FCGR3B: variants seen among roughly 807,000 people sequenced by gnomAD.
The protein encoded by FCGR3B is low affinity immunoglobulin gamma Fc region receptor III-B.
A neutral mutation model predicts 26.7 loss-of-function variants in FCGR3B; 20 were observed. The observed-to-expected ratio is 0.75, with a 90% CI of 0.53 to 1.09. The LOEUF (loss-of-function observed/expected upper bound fraction) is 1.09, where lower values mean the gene tolerates loss of function less well. Among genes scored for constraint, FCGR3B ranks in the 50% least tolerant of loss-of-function variants. The probability of loss-of-function intolerance (pLI) is 0.00; values close to 1 mark genes in which losing one functional copy is unlikely to be tolerated. For synonymous variants in FCGR3B, 79 were observed against 107.0 expected (o/e 0.74, Z 1.62); for missense variants, 191 against 279.7 (o/e 0.68, Z 2.26).
intron 3 of FCGR3B, among the ~76,000 whole-genome samples, chr1:161,627,807 A>G (rs1570984224): frequency 6.7e-6 from 1 of 150,192 alleles, no homozygotes; most frequent in African/African-American, 2.5e-5. Flanking sequence ...TGGACTGGAG[A>G]TACCCAGATG....
Position 161,624,617 on chromosome 1 carries a change from T to C in FCGR3B, c.600A>G (p.Ser200=). 6.2e-7 allele frequency: 1 copy of C among 1,605,798 alleles called. No homozygotes were observed. Among genetic ancestry groups the C allele is most frequent in the East Asian group, 2.2e-5 (1 of 44,716 alleles). The change falls in exon 5 of 5, where the codon TCA becomes TCG. Residue 200 remains serine, a synonymous_variant. Coordinates refer to ENST00000650385, the MANE Select transcript of FCGR3B (RefSeq NM_001244753.2). The part of the protein sequence containing the change: ...ITQGLAVSTI[S]SFSPPGYQVS... ...CTTGGTACCCAGGTGGAGAGAATGA[T>C]GAGATGGTTGACACTGCCAAACCTA...
chr1:161,624,776 G>A (rs775127796), intron 4 of FCGR3B, 137 bp from the exon 5 acceptor site: 27 of 808,212 alleles, frequency 3.3e-5, no homozygotes, highest in Non-Finnish European at 4.9e-5. Context: ...GAGGTCTGGG[G>A]GAAAGTATTG....
chr1:161,627,861 C>T lies in FCGR3B; in HGVS notation c.320-1459G>A, dbSNP rs1286353960. 4.7e-5 allele frequency among the ~76,000 whole-genome samples: 7 copies of T among 150,128 alleles called. 1 individual carries two copies. The highest frequency in any genetic ancestry group is 2.7e-4 in the Admixed American group (4 of 14,994). ...AGCCTCAAAGAATCTACAGCCTAGA[C>T]ATAGAAACATAAATATTCAGAAATA... On this transcript the variant is annotated intron_variant, in intron 3 of 4. Transcript: ENST00000650385.
rs760729991 is a variant in FCGR3B at position 161,631,050 on chromosome 1, C to G, written c.40+5G>C. 5.0e-6 allele frequency: 8 copies of G among 1,604,790 alleles called. No homozygotes were observed. Among genetic ancestry groups the G allele is most frequent in the Non-Finnish European group, 6.8e-6 (8 of 1,176,684 alleles). ...TCTCCCTCAACCAGGGAGATCCTGA[C>G]TTACCTAGAAGTAGCAGAGCAGTTG... On this transcript the variant is annotated splice_donor_5th_base_variant and intron_variant, in intron 1 of 4. Transcript: ENST00000650385.
chr1:161,626,045 G>A (rs1282240635), intron 4 of FCGR3B, 100 bp downstream of exon 4: 56 of 1,397,620 alleles, frequency 4.0e-5, no homozygotes, highest in African/African-American at 1.5e-4. Context: ...GAAGAAGTGC[G>A]TGTAAGAATC....
rs1570979176 is a variant in FCGR3B at position 161,624,405 on chromosome 1, T to G, written c.*110A>C. The G allele has an allele frequency of 2.1e-5, 28 of 1,302,494 alleles. No homozygotes were observed. In the East Asian group the frequency reaches 6.5e-4, roughly 30 times the overall value. The allele number at this position is 1,302,494 out of a possible 1,614,324, so 80.7% of individuals were successfully genotyped here. A position where few individuals can be genotyped will look rare whatever the true frequency, so the allele number is the denominator to read the frequency against. Reference sequence around the variant, plus strand: ...TGGGGTTGCAAATCCAGAGAAATGTTCAGAGATGCTGCTGCCACTGCTCTT... The same window carrying G: ...TGGGGTTGCAAATCCAGAGAAATGTGCAGAGATGCTGCTGCCACTGCTCTT... On this transcript the variant is annotated 3_prime_UTR_variant, in exon 5 of 5. Coordinates refer to ENST00000650385, the MANE Select transcript of FCGR3B (RefSeq NM_001244753.2).
At position 161,626,204 on chromosome 1, in the gene FCGR3B, C is replaced by A; in HGVS notation, c.518G>T (p.Arg173Met). 1 of 1,609,250 alleles carries A rather than the reference C, an allele frequency of 6.2e-7. No homozygotes were observed. The highest frequency in any genetic ancestry group is 1.4e-5 in the African/African-American group (1 of 73,622). Residue 173 changes from arginine (R) to methionine (M), a missense_variant, in exon 4 of 5, where the codon AGG becomes ATG. By Grantham distance (91) the Arg-to-Met change is moderately conservative. Transcript: ENST00000650385. ...CACATTTTTACTCCCAACAAGCCCC[C>A]TGCAGAAGTAGGAGCCGCTATCTTT... The part of the protein sequence containing the change: ...TLKDSGSYFC[R>M]GLVGSKNVSS...
chr1:161,625,533 C>T (rs1283397285), intron 4 of FCGR3B, among the ~76,000 whole-genome samples: 1 of 123,324 alleles, frequency 8.1e-6, no homozygotes, highest in African/African-American at 3.2e-5. Flanking sequence ...GGAATATTAC[C>T]TATCTCATGT....
At position 161,629,789 on chromosome 1, in the gene FCGR3B, T is replaced by A. The variant is rs1373872062; in HGVS notation, c.308A>T (p.Glu103Val). ...LSTLSDPVQL[E>V]VHIGWLLLQA... ...CTTCATCAACTCACCGATATGGACT[T>A]CTAGCTGCACCGGGTCACTGAGGGT... Residue 103 changes from glutamate to valine, a missense_variant, in exon 3 of 5, where the codon GAA (glutamate) becomes GTA (valine). This residue lies in a region of FCGR3B where 88 missense variants were observed against 165.2 expected (regional missense o/e 0.53). Transcript: ENST00000650385. 2.8e-6 allele frequency: 4 copies of A among 1,433,766 alleles called. No individual in the cohort carries two copies. In the South Asian group the frequency reaches 3.9e-5, roughly 14 times the overall value. The allele number at this position is 1,433,766 out of a possible 1,614,324, so 88.8% of individuals were successfully genotyped here.
In FCGR3B at chr1:161,629,210, C is replaced by G. The variant is rs1679619312; in HGVS notation, c.319+568G>C. Among the ~76,000 whole-genome samples, 3 of 55,282 alleles carry G rather than the reference C, an allele frequency of 5.4e-5. 1 individual carries two copies. The highest frequency in any genetic ancestry group is 2.6e-4 in the Admixed American group (1 of 3,862). The allele number at this position is 55,282 out of a possible 152,430, so 36.3% of individuals were successfully genotyped here. A position where few individuals can be genotyped will look rare whatever the true frequency, so the allele number is the denominator to read the frequency against. On this transcript the variant is annotated intron_variant, in intron 3 of 4. Coordinates refer to ENST00000650385, the MANE Select transcript of FCGR3B (RefSeq NM_001244753.2). ...TGGAAAGCCAAGACCGGTGAATCACCTGAGGTCAGGAGTTTGAGACCAGAC... is the reference window on the plus strand; with the variant it reads ...TGGAAAGCCAAGACCGGTGAATCACGTGAGGTCAGGAGTTTGAGACCAGAC...
rs1258885596 is a variant in FCGR3B at position 161,624,381 on chromosome 1, G to A, written c.*134C>T. ...GCTTGTAGAGAGGCCTGAGGATGATGGGGTTGCAAATCCAGAGAAATGTTC... is the reference window on the plus strand; with the variant it reads ...GCTTGTAGAGAGGCCTGAGGATGATAGGGTTGCAAATCCAGAGAAATGTTC... On this transcript the variant is annotated 3_prime_UTR_variant, in exon 5 of 5. Coordinates refer to ENST00000650385, the MANE Select transcript of FCGR3B (RefSeq NM_001244753.2). The A allele has an allele frequency of 1.1e-5, 12 of 1,067,506 alleles. 1 individual carries two copies. Among genetic ancestry groups the A allele is most frequent in the Middle Eastern group, 2.5e-4 (1 of 4,070 alleles). 66.1% of individuals were successfully genotyped at this position (1,067,506 alleles called of 1,614,324 possible). A position where few individuals can be genotyped will look rare whatever the true frequency, so the allele number is the denominator to read the frequency against.
chr1:161,630,922 C>T, intron 1 of FCGR3B, 133 bp downstream of exon 1: 1 of 1,457,844 alleles, frequency 6.9e-7, no homozygotes, highest in Middle Eastern at 2.6e-4. Context: ...GTCCTGGTAG[C>T]TCAATCCACA....
chr1:161,626,414 A>G lies in FCGR3B; in HGVS notation c.320-12T>C, dbSNP rs969588337. 4 of 1,608,582 alleles carry G rather than the reference A, an allele frequency of 2.5e-6. No individual in the cohort carries two copies. Among genetic ancestry groups the G allele is most frequent in the Middle Eastern group, 1.6e-4 (1 of 6,064 alleles). On this transcript the variant is annotated splice_polypyrimidine_tract_variant and intron_variant, in intron 3 of 4. Transcript: ENST00000650385. ...GAGCAACAGCCAGCCTGAAAGACAC[A>G]GAGACACCCCAGGCCCGGGAGGCCT...
chr1:161,626,396 A>G lies in FCGR3B; in HGVS notation c.326T>C (p.Leu109Pro). 1 of 1,609,178 alleles carries G rather than the reference A, an allele frequency of 6.2e-7. No homozygotes were observed. Among genetic ancestry groups the G allele is most frequent in the Non-Finnish European group, 8.5e-7 (1 of 1,178,134 alleles). Residue 109 changes from leucine (L) to proline (P), a missense_variant, in exon 4 of 5, where the codon CTG becomes CCG. Leu to Pro is a moderately conservative substitution (Grantham distance 98, BLOSUM62 -3). Coordinates refer to ENST00000650385, the MANE Select transcript of FCGR3B (RefSeq NM_001244753.2). ...CACCCACCGAGGGGCCTGGAGCAAC[A>G]GCCAGCCTGAAAGACACAGAGACAC... ...PVQLEVHIGWLLLQAPRWVFK... is the reference protein window; with the variant it reads ...PVQLEVHIGWPLLQAPRWVFK...
At position 161,626,274 on chromosome 1, in the gene FCGR3B, A is replaced by G; in HGVS notation, c.448T>C (p.Tyr150His). 1.2e-6 allele frequency: 2 copies of G among 1,608,634 alleles called. No individual in the cohort carries two copies. Among genetic ancestry groups the G allele is most frequent in the South Asian group, 2.2e-5 (2 of 90,464 alleles). Residue 150 changes from tyrosine (Y) to histidine (H), a missense_variant, in exon 4 of 5, where the codon TAT becomes CAT. By Grantham distance (83) the Tyr-to-His change is moderately conservative. This residue lies in a region of FCGR3B where 103 missense variants were observed against 114.5 expected (regional missense o/e 0.90). Transcript: ENST00000650385. Reference sequence around the variant, plus strand: ...TGGAAGTCAGAATTATGATGAAAATACTTCCTGTCTTTGCCATTCTGTAAA... The same window carrying G: ...TGGAAGTCAGAATTATGATGAAAATGCTTCCTGTCTTTGCCATTCTGTAAA... The part of the protein sequence containing the change: ...TYLQNGKDRK[Y>H]FHHNSDFHIP...
At chr1:161,629,129 A>G (rs1679616284) in intron 3 of FCGR3B, among the ~76,000 whole-genome samples, 1 of 104,158 alleles carries the variant, frequency 9.6e-6, no homozygotes. Flanking sequence ...TCATTAATTT[A>G]TTCAATAAAA....
chr1:161,628,524 CA>C (rs1557883172), intron 3 of FCGR3B, among the ~76,000 whole-genome samples: 1 of 149,156 alleles, frequency 6.7e-6, no homozygotes, highest in Admixed American at 6.7e-5. Flanking sequence ...GTAATTCCCC[CA>C]TTTTATTTGG....
rs1381623366 is a variant in FCGR3B, at chr1:161,624,342, C to G, written c.*173G>C. 5.2e-6 allele frequency: 4 copies of G among 767,106 alleles called. No homozygotes were observed. In the African/African-American group the frequency reaches 7.3e-5, roughly 14 times the overall value. The allele number at this position is 767,106 out of a possible 1,614,324, so 47.5% of individuals were successfully genotyped here. A position where few individuals can be genotyped will look rare whatever the true frequency, so the allele number is the denominator to read the frequency against. ...TGGATAAAGGATCTGGCTCTGAGTT[C>G]TATGTTTCCTGCTGCTTGTAGAGAG... On this transcript the variant is annotated 3_prime_UTR_variant, in exon 5 of 5. Coordinates refer to ENST00000650385, the MANE Select transcript of FCGR3B (RefSeq NM_001244753.2).
At chr1:161,625,278 A>G (rs1457440088) in intron 4 of FCGR3B, among the ~76,000 whole-genome samples, 1 of 131,488 alleles carries the variant, frequency 7.6e-6, no homozygotes, top group Non-Finnish European at 1.6e-5. Context: ...GTCTTGGGCT[A>G]GTTACAGATA....
Sources: allele counts gnomAD v4.1 joint callset (sites outside exome capture counted in the v4.1 genomes callset), GRCh38; gene constraint gnomAD v4.1.1; regional missense constraint gnomAD v4.1.1; transcripts MANE v1.5; gene names NCBI Gene and HGNC (gene_info 2026-07-23, HGNC 2026-07-21).